MIEF2: variants seen among roughly 807,000 people sequenced by gnomAD.
MIEF2 encodes the protein mitochondrial dynamics protein MID49.
MIEF2 carries 1 observed loss-of-function variant against 7.4 expected under a neutral mutation model. That is an observed-to-expected ratio of 0.14 (90% CI 0.05 to 0.64). MIEF2 has a LOEUF of 0.64. Among genes scored for constraint, MIEF2 ranks in the 30% least tolerant of loss-of-function variants. The pLI is 0.85. For synonymous variants in MIEF2, 275 were observed against 290.5 expected (o/e 0.95, Z 0.54); for missense variants, 569 against 623.9 (o/e 0.91, Z 0.94).
Position 18,264,287 on chromosome 17 carries a change from C to T in MIEF2, c.888C>T (p.Arg296=). 1 of 1,607,120 alleles carries T rather than the reference C, an allele frequency of 6.2e-7. No individual in the cohort carries two copies. Among genetic ancestry groups the T allele is most frequent in the Admixed American group, 1.7e-5 (1 of 60,026 alleles). The change falls in exon 4 of 4, where the codon CGC becomes CGT. Residue 296 remains arginine (R), a synonymous_variant. Coordinates refer to ENST00000323019, the MANE Select transcript of MIEF2 (RefSeq NM_139162.4). The stretch of plus-strand genomic sequence containing the variant: ...TGCTGCTCGAGGTGCAGCACGAACG[C>T]CTGGAGCTCACTGTGGCTGTGCTTG... ...EELLLEVQHE[R]LELTVAVLVA... is the part of the protein sequence containing the mutation.
At position 18,263,784 on chromosome 17, in the gene MIEF2, G is replaced by C; in HGVS notation, c.385G>C (p.Glu129Gln). ...AGCACCGCTGTGTCTGACACTGCAG[G>C]AGAGGCTGCTGGCCTTCGAGCGGGA... ...SPAPLCLTLQERLLAFERDRV... is the reference protein window; with the variant it reads ...SPAPLCLTLQQRLLAFERDRV... The change falls in exon 4 of 4, where the codon GAG becomes CAG. Residue 129 changes from glutamate (E) to glutamine (Q), a missense_variant. Transcript: ENST00000323019. The C allele has an allele frequency of 6.2e-7, 1 of 1,611,152 alleles. No homozygotes were observed. The highest frequency in any genetic ancestry group is 8.5e-7 in the Non-Finnish European group (1 of 1,179,624).
chr17:18,264,848 TTC>T lies in MIEF2; in HGVS notation c.*88_*89del. 6.7e-7 allele frequency: 1 copy of T among 1,501,818 alleles called. No individual in the cohort carries two copies. The highest frequency in any genetic ancestry group is 2.3e-5 in the East Asian group (1 of 43,238). 93.0% of individuals were successfully genotyped at this position (1,501,818 alleles called of 1,614,324 possible). On this transcript the variant is annotated 3_prime_UTR_variant, in exon 4 of 4. Transcript: ENST00000323019. The stretch of plus-strand genomic sequence containing the variant: ...CTTCCAGGGATTTGAATAGTGGTTT[TTC>T]TCTAGCTTTTTGCCAGAACAAAGGA...
intron 1 of MIEF2, among the ~76,000 whole-genome samples, chr17:18,262,047 T>C (rs952890555): frequency 2.8e-4 from 42 of 152,348 alleles, no homozygotes; most frequent in African/African-American, 1.0e-3. Context: ...CCAGACTGGC[T>C]GGGGCCCCAA....
Position 18,262,874 on chromosome 17 carries a change from C to A in MIEF2, c.147+7C>A. 1 of 1,536,328 alleles carries A rather than the reference C, an allele frequency of 6.5e-7. No homozygotes were observed. The highest frequency in any genetic ancestry group is 1.3e-5 in the South Asian group (1 of 79,176). On this transcript the variant is annotated splice_region_variant and intron_variant, in intron 2 of 3. Transcript: ENST00000323019. ...CACCCTGGCCGTGAAGCGGGTAAGGCCAAGTGGGCGGGTCATGCCTGAAGC... is the reference window on the plus strand; with the variant it reads ...CACCCTGGCCGTGAAGCGGGTAAGGACAAGTGGGCGGGTCATGCCTGAAGC...
chr17:18,264,821 CCCTT>C lies in MIEF2; in HGVS notation c.*60_*63del. ...TAATGCTGGGGAGCTGCACCCACCT[CCCTT>C]CCAGGGATTTGAATAGTGGTTTTTC... is the stretch of plus-strand genomic sequence containing the variant. On this transcript the variant is annotated 3_prime_UTR_variant, in exon 4 of 4. Coordinates refer to ENST00000323019, the MANE Select transcript of MIEF2 (RefSeq NM_139162.4). 3 of 1,551,994 alleles carry C rather than the reference CCCTT, an allele frequency of 1.9e-6. No individual in the cohort carries two copies. Among genetic ancestry groups the C allele is most frequent in the Non-Finnish European group, 2.6e-6 (3 of 1,147,496 alleles).
rs935151101 is a variant in MIEF2 at position 18,262,144 on chromosome 17, A to G, written c.-7-570A>G. Among the ~76,000 whole-genome samples, 10 of 152,304 alleles carry G rather than the reference A, an allele frequency of 6.6e-5. No homozygotes were observed. The East Asian group carries it at 1.9e-3, about 29-fold the overall frequency. ...CCCTCTGGGTAGGAACCTTCAGATG[A>G]GGCTGCTGCTGAGGACCTGGGCACC... On this transcript the variant is annotated intron_variant, in intron 1 of 3. Coordinates refer to ENST00000323019, the MANE Select transcript of MIEF2 (RefSeq NM_139162.4).
At position 18,264,342 on chromosome 17, in the gene MIEF2, C is replaced by T. The variant is rs772241875; in HGVS notation, c.943C>T (p.Arg315Cys). Residue 315 changes from arginine to cysteine, a missense_variant, in exon 4 of 4, where the codon CGC (arginine) becomes TGC (cysteine). By Grantham distance (180) the Arg-to-Cys change is radical (BLOSUM62 -3). Coordinates refer to ENST00000323019, the MANE Select transcript of MIEF2 (RefSeq NM_139162.4). ...VAVPGVDADDRLLLAWPLEGL... is the reference protein window; with the variant it reads ...VAVPGVDADDCLLLAWPLEGL... Reference sequence around the variant, plus strand: ...AGTCCCTGGGGTCGATGCTGACGACCGCCTCCTCTTGGCCTGGCCCCTGGA... The same window carrying T: ...AGTCCCTGGGGTCGATGCTGACGACTGCCTCCTCTTGGCCTGGCCCCTGGA... 1.4e-5 allele frequency: 23 copies of T among 1,606,104 alleles called. No individual in the cohort carries two copies. The East Asian group carries it at 2.5e-4, about 17-fold the overall frequency.
rs767163290 is a variant in MIEF2, at chr17:18,263,891, T to C, written c.492T>C (p.Phe164=). The change falls in exon 4 of 4, where the codon TTT becomes TTC. Residue 164 remains phenylalanine, a synonymous_variant. Coordinates refer to ENST00000323019, the MANE Select transcript of MIEF2 (RefSeq NM_139162.4). The stretch of plus-strand genomic sequence containing the variant: ...TCGCCCTGGAGCTGCAGGCCTACTT[T>C]CGGAGCAAGTTCCCGGAACTGCCCT... ...GDIALELQAY[F]RSKFPELPFG... is the part of the protein sequence containing the mutation. 20 of 1,602,460 alleles carry C rather than the reference T, an allele frequency of 1.2e-5. No homozygotes were observed. Among genetic ancestry groups the C allele is most frequent in the Non-Finnish European group, 1.6e-5 (19 of 1,179,720 alleles).
chr17:18,264,073 T>C lies in MIEF2; in HGVS notation c.674T>C (p.Val225Ala). 2 of 1,552,686 alleles carry C rather than the reference T, an allele frequency of 1.3e-6. No individual in the cohort carries two copies. The highest frequency in any genetic ancestry group is 1.7e-6 in the Non-Finnish European group (2 of 1,154,200). ...TVARDPRCWA[V>A]RRTQLEFCPR... Reference sequence around the variant, plus strand: ...GCGAGGGACCCTCGCTGCTGGGCCGTGCGCAGGACGCAGCTTGAGTTCTGC... The same window carrying C: ...GCGAGGGACCCTCGCTGCTGGGCCGCGCGCAGGACGCAGCTTGAGTTCTGC... Residue 225 changes from valine (V) to alanine (A), a missense_variant, in exon 4 of 4, where the codon GTG becomes GCG. Transcript: ENST00000323019.
chr17:18,261,400 C>A (rs1205276810), intron 1 of MIEF2, among the ~76,000 whole-genome samples: 1 of 152,188 alleles, frequency 6.6e-6, no homozygotes, highest in Admixed American at 6.5e-5. Flanking sequence ...CTACTCCAGG[C>A]ATCTGGTCAC....
In MIEF2 at chr17:18,266,077, G is replaced by C. The variant is rs533238669; in HGVS notation, c.*1313G>C. The C allele has an allele frequency of 1.3e-5, 2 of 150,922 alleles. No individual in the cohort carries two copies. Among genetic ancestry groups the C allele is most frequent in the African/African-American group, 2.4e-5 (1 of 40,966 alleles). 9.3% of individuals were successfully genotyped at this position (150,922 alleles called of 1,614,324 possible). The stretch of plus-strand genomic sequence containing the variant: ...AAAAATTAGCTGGGCGTGGTGGCAC[G>C]CACCTATAGTCCCAGCTACTCGGGA... On this transcript the variant is annotated 3_prime_UTR_variant, in exon 4 of 4. Transcript: ENST00000323019.
Position 18,265,890 on chromosome 17 carries a change from G to T in MIEF2, c.*1126G>T. ...TTGGCAAGAGTGCTTGAGGTCAATTGGAGGTGGTAGAGTTTACTTTAAAAA... is the reference window on the plus strand; with the variant it reads ...TTGGCAAGAGTGCTTGAGGTCAATTTGAGGTGGTAGAGTTTACTTTAAAAA... On this transcript the variant is annotated 3_prime_UTR_variant, in exon 4 of 4. Transcript: ENST00000323019. 6.6e-6 allele frequency: 1 copy of T among 152,282 alleles called. No individual in the cohort carries two copies. Among genetic ancestry groups the T allele is most frequent in the East Asian group, 1.9e-4 (1 of 5,188 alleles). The allele number at this position is 152,282 out of a possible 1,614,324, so 9.4% of individuals were successfully genotyped here. A position where few individuals can be genotyped will look rare whatever the true frequency, so the allele number is the denominator to read the frequency against.
In MIEF2 at chr17:18,263,152, A is replaced by G. The variant is rs1358552738; in HGVS notation, c.214A>G (p.Ser72Gly). Residue 72 changes from serine (S) to glycine (G), a missense_variant, in exon 3 of 4, where the codon AGC (serine) becomes GGC (glycine). Transcript: ENST00000323019. ...DTKADSWKEL[S>G]LLKATPHLQP... is the part of the protein sequence containing the mutation. ...CAAGGCAGACAGCTGGAAGGAACTGAGCCTGCTCAAGGCCACACCACACCT... is the reference window on the plus strand; with the variant it reads ...CAAGGCAGACAGCTGGAAGGAACTGGGCCTGCTCAAGGCCACACCACACCT... 1 of 1,613,610 alleles carries G rather than the reference A, an allele frequency of 6.2e-7. No individual in the cohort carries two copies. Among genetic ancestry groups the G allele is most frequent in the East Asian group, 2.2e-5 (1 of 44,890 alleles).
At chr17:18,261,847 A>G (rs917791366) in intron 1 of MIEF2, among the ~76,000 whole-genome samples, 2 of 152,342 alleles carry the variant, frequency 1.3e-5, no homozygotes, top group Non-Finnish European at 2.9e-5. Context: ...AGAGGCCCAG[A>G]GAGCCCCCTG....
At position 18,264,377 on chromosome 17, in the gene MIEF2, G is replaced by A. The variant is rs763481717; in HGVS notation, c.978G>A (p.Ala326=). The A allele has an allele frequency of 6.2e-6, 10 of 1,602,684 alleles. No homozygotes were observed. In the Admixed American group the frequency reaches 8.3e-5, roughly 13 times the overall value. Residue 326 remains alanine (A), a synonymous_variant, in exon 4 of 4, where the codon GCG becomes GCA. Coordinates refer to ENST00000323019, the MANE Select transcript of MIEF2 (RefSeq NM_139162.4). ...LLLAWPLEGL[A]GNLWLQDLYP... ...TGGCCTGGCCCCTGGAGGGGCTGGC[G>A]GGGAACCTCTGGCTGCAGGACCTGT...
chr17:18,262,692 T>C (rs1344322914), intron 1 of MIEF2, 22 bp from the exon 2 acceptor site: 4 of 1,567,088 alleles, frequency 2.6e-6, no homozygotes, highest in Non-Finnish European at 3.5e-6. Flanking sequence ...GAGCTGCCCC[T>C]TCACCCCTGG....
chr17:18,264,088 T>C lies in MIEF2; in HGVS notation c.689T>C (p.Leu230Pro). Reference protein sequence around the residue: ...PRCWAVRRTQLEFCPRGSSPW... With the variant: ...PRCWAVRRTQPEFCPRGSSPW... ...TGCTGGGCCGTGCGCAGGACGCAGC[T>C]TGAGTTCTGCCCCCGTGGGAGCAGC... Residue 230 changes from leucine to proline, a missense_variant, in exon 4 of 4, where the codon CTT becomes CCT. Transcript: ENST00000323019. 2 of 1,552,946 alleles carry C rather than the reference T, an allele frequency of 1.3e-6. No individual in the cohort carries two copies. Among genetic ancestry groups the C allele is most frequent in the Non-Finnish European group, 1.7e-6 (2 of 1,154,900 alleles).
chr17:18,263,197 G>C lies in MIEF2; in HGVS notation c.259G>C (p.Ala87Pro). ...ACACCTGCAGCCCCGGCCTCCACCT[G>C]CTGCCCTTAGCCAGCCAGTGTTGCC... ...TPHLQPRPPP[A>P]ALSQPVLPLA... Residue 87 changes from alanine (A) to proline (P), a missense_variant, in exon 3 of 4, where the codon GCT becomes CCT. Ala to Pro is a conservative substitution (Grantham distance 27). Transcript: ENST00000323019. 6.2e-7 allele frequency: 1 copy of C among 1,613,624 alleles called. No individual in the cohort carries two copies. The highest frequency in any genetic ancestry group is 8.5e-7 in the Non-Finnish European group (1 of 1,180,048).
chr17:18,262,891 G>C (rs1358728915), intron 2 of MIEF2, 24 bp downstream of exon 2: 4 of 1,529,868 alleles, frequency 2.6e-6, no homozygotes, highest in Non-Finnish European at 3.5e-6. Flanking sequence ...GGCGGGTCAT[G>C]CCTGAAGCTC....
Sources: allele counts gnomAD v4.1 joint callset (sites outside exome capture counted in the v4.1 genomes callset), GRCh38; gene constraint gnomAD v4.1.1; transcripts MANE v1.5; gene names NCBI Gene and HGNC (gene_info 2026-07-23, HGNC 2026-07-21).